Variants in MGAT4C observed in about 807,000 individuals in gnomAD.
The protein encoded by MGAT4C is MGAT4 family member C.
In MGAT4C, 19 loss-of-function variants were observed where a neutral mutation model predicts 40.1. The observed-to-expected ratio is 0.47, with a 90% CI of 0.33 to 0.70. MGAT4C has a LOEUF of 0.70. MGAT4C is among the 30% of genes least tolerant of loss of function. The probability of loss-of-function intolerance (pLI) is 0.02; values close to 1 mark genes in which losing one functional copy is unlikely to be tolerated. For synonymous variants in MGAT4C, 181 were observed against 187.1 expected, an observed-to-expected ratio of 0.97 and a Z score of 0.27; for missense variants, 491 against 563.2, an observed-to-expected ratio of 0.87 and a Z score of 1.30.
At chr12:86,714,391 G>A (rs1435178837) in intron 2 of MGAT4C, among the ~76,000 whole-genome samples, 1 of 151,966 alleles carries the variant, frequency 6.6e-6, no homozygotes, top group African/African-American at 2.4e-5. Context: ...ATATTGTTTG[G>A]CTGTGTCCCC....
At chr12:86,360,164 T>C (rs1342690517) in intron 3 of MGAT4C, among the ~76,000 whole-genome samples, 1 of 152,202 alleles carries the variant, frequency 6.6e-6, no homozygotes, top group Non-Finnish European at 1.5e-5. Context: ...ATCCCTGGGA[T>C]GCAAGGCTGG....
intron 1 of MGAT4C, among the ~76,000 whole-genome samples, chr12:86,053,364 T>G (rs1177919570): frequency 1.3e-5 from 2 of 151,852 alleles, no homozygotes; most frequent in Non-Finnish European, 2.9e-5. Context: ...TTGCCTTAGC[T>G]GAACTAAGAA....
intron 1 of MGAT4C, among the ~76,000 whole-genome samples, chr12:86,143,456 C>T (rs1566045210): frequency 6.6e-6 from 1 of 152,014 alleles, no homozygotes; most frequent in African/African-American, 2.4e-5. Context: ...AACTCATAAA[C>T]AACAGTCTAT....
intron 1 of MGAT4C, among the ~76,000 whole-genome samples, chr12:86,756,040 T>C (rs1951299185): frequency 6.6e-6 from 1 of 151,996 alleles, no homozygotes; most frequent in Non-Finnish European, 1.5e-5. Context: ...AAATGTTTTA[T>C]TTCATCTTAT....
chr12:86,116,932 C>A (rs991338364), intron 1 of MGAT4C, among the ~76,000 whole-genome samples: 2 of 151,816 alleles, frequency 1.3e-5, no homozygotes, highest in Non-Finnish European at 2.9e-5. Context: ...TCCATTAAAA[C>A]ATTGTTAGGT....
chr12:86,447,137 T>C (rs1273411523), intron 2 of MGAT4C, among the ~76,000 whole-genome samples: 2 of 152,128 alleles, frequency 1.3e-5, no homozygotes, highest in Admixed American at 1.3e-4. Flanking sequence ...TTTGTTTGTT[T>C]GTTTTGAGAT....
intron 2 of MGAT4C, among the ~76,000 whole-genome samples, chr12:86,486,838 G>C (rs534559054): frequency 1.3e-5 from 2 of 152,078 alleles, no homozygotes. Context: ...GTGTTTTAAC[G>C]TCAGTCTGTT....
chr12:85,989,165 C>A (rs1885592705), intron 3 of MGAT4C, among the ~76,000 whole-genome samples: 1 of 151,928 alleles, frequency 6.6e-6, no homozygotes, highest in Non-Finnish European at 1.5e-5. Context: ...TTTGTAATTA[C>A]ATGTACATAT....
rs548975301 is a variant in MGAT4C at position 86,094,639 on chromosome 12, T to G, written c.-56-44916A>C. Among the ~76,000 whole-genome samples the G allele has an allele frequency of 8.5e-5, 13 of 152,272 alleles. No homozygotes were observed. In the South Asian group the frequency reaches 2.3e-3, roughly 27 times the overall value. Reference sequence around the variant, plus strand: ...ACACGAAGCCTGCTGCTCAGATGAATTTTACAAAGATATGTTTTCATTAAA... The same window carrying G: ...ACACGAAGCCTGCTGCTCAGATGAAGTTTACAAAGATATGTTTTCATTAAA... On this transcript the variant is annotated intron_variant, in intron 1 of 4. Coordinates refer to ENST00000611864, the MANE Select transcript of MGAT4C (RefSeq NM_001351288.2).
chr12:86,603,123 T>A (rs142227175), intron 2 of MGAT4C, among the ~76,000 whole-genome samples: 30 of 150,526 alleles, frequency 2.0e-4, no homozygotes, highest in African/African-American at 7.1e-4. Flanking sequence ...AATTGGGAGA[T>A]GTTAGCAAAA....
At chr12:86,529,694 A>G (rs1156679771) in intron 2 of MGAT4C, among the ~76,000 whole-genome samples, 1 of 151,932 alleles carries the variant, frequency 6.6e-6, no homozygotes, top group Non-Finnish European at 1.5e-5. Context: ...TTATGTTTCC[A>G]TAGCAGAAGC....
chr12:86,478,259 A>G (rs1957875608), intron 2 of MGAT4C, among the ~76,000 whole-genome samples: 3 of 152,192 alleles, frequency 2.0e-5, no homozygotes, highest in South Asian at 2.1e-4. Flanking sequence ...TGTGATGTTC[A>G]TGACAATAGG....
Position 85,958,848 on chromosome 12 carries a change from G to A in MGAT4C, c.*20441C>T, listed in dbSNP as rs1882960099. On this transcript the variant is annotated 3_prime_UTR_variant, in exon 5 of 5. Coordinates refer to ENST00000611864, the MANE Select transcript of MGAT4C (RefSeq NM_001351288.2). ...AGCAATAAAATACATTTTTAATTTA[G>A]TTAAGCTTACTTAACTAATGATCAA... is the stretch of plus-strand genomic sequence containing the variant. 1.3e-5 allele frequency: 2 copies of A among 151,812 alleles called. No homozygotes were observed. The highest frequency in any genetic ancestry group is 4.1e-4 in the South Asian group (2 of 4,820). 9.4% of individuals were successfully genotyped at this position (151,812 alleles called of 1,614,324 possible).
At chr12:86,679,297 T>C (rs1949935447) in intron 2 of MGAT4C, among the ~76,000 whole-genome samples, 1 of 152,128 alleles carries the variant, frequency 6.6e-6, no homozygotes. Context: ...TGTAAATTTG[T>C]TTGAGTTCAT....
At chr12:86,823,457 G>GA (rs150688975) in intron 1 of MGAT4C, among the ~76,000 whole-genome samples, 54 of 150,736 alleles carry the variant, frequency 3.6e-4, no homozygotes, top group East Asian at 2.9e-3. Flanking sequence ...TAAATTTACG[G>GA]AAAAAAAATT....
intron 1 of MGAT4C, among the ~76,000 whole-genome samples, chr12:86,747,602 T>A (rs1345067717): frequency 6.6e-6 from 1 of 151,620 alleles, no homozygotes; most frequent in Non-Finnish European, 1.5e-5. Context: ...AGGGCAATGA[T>A]CTTTTTCTTT....
intron 2 of MGAT4C, among the ~76,000 whole-genome samples, chr12:86,021,790 G>T (rs1592708589): frequency 6.6e-6 from 1 of 152,142 alleles, no homozygotes; most frequent in Middle Eastern, 3.4e-3. Flanking sequence ...TTAAAGGATG[G>T]TATAAGCATT....
At chr12:86,456,298 G>T (rs1454267573) in intron 2 of MGAT4C, among the ~76,000 whole-genome samples, 2 of 151,952 alleles carry the variant, frequency 1.3e-5, no homozygotes, top group Admixed American at 6.6e-5. Flanking sequence ...AAAAAAATTT[G>T]GGCAGCGGAA....
intron 1 of MGAT4C, among the ~76,000 whole-genome samples, chr12:86,761,287 T>G (rs1211536352): frequency 6.6e-6 from 1 of 152,152 alleles, no homozygotes; most frequent in Non-Finnish European, 1.5e-5. Context: ...GCCTTTGGCT[T>G]GAATATTGGT....
Sources: allele counts gnomAD v4.1 joint callset (sites outside exome capture counted in the v4.1 genomes callset), GRCh38; gene constraint gnomAD v4.1.1; transcripts MANE v1.5; gene names NCBI Gene and HGNC (gene_info 2026-07-23, HGNC 2026-07-21).